Variants in HNRNPM observed in about 807,000 individuals in gnomAD.
The protein encoded by HNRNPM is CEA receptor.
HNRNPM carries 11 observed loss-of-function variants against 73.1 expected under a neutral mutation model. The observed-to-expected ratio is 0.15, with a 90% CI of 0.09 to 0.25. The LOEUF (loss-of-function observed/expected upper bound fraction) is 0.25, where lower values mean the gene tolerates loss of function less well. HNRNPM is among the 10% of genes least tolerant of loss of function. The pLI is 1.00. For missense variants in HNRNPM, 789 were observed against 1,067.9 expected, an observed-to-expected ratio of 0.74 and a Z score of 3.64; for synonymous variants, 407 against 355.2, an observed-to-expected ratio of 1.15 and a Z score of -1.64.
At chr19:8,463,933 G>T in intron 5 of HNRNPM, 2 of 457,960 alleles carry the variant, frequency 4.4e-6, no homozygotes, top group Non-Finnish European at 7.9e-6. Flanking sequence ...CTGAGGCCTT[G>T]TTGTCTCAGG....
intron 12 of HNRNPM, chr19:8,482,937 CAGA>C: frequency 1.9e-6 from 1 of 530,592 alleles, no homozygotes; most frequent in Non-Finnish European, 3.3e-6. Flanking sequence ...CGCTGGGCCT[CAGA>C]CTCTGGAGCT....
intron 9 of HNRNPM, 58 bp from the exon 10 acceptor site, chr19:8,471,268 T>C (rs778880413): frequency 1.8e-6 from 2 of 1,092,120 alleles, no homozygotes; most frequent in Non-Finnish European, 2.6e-6. Context: ...TCTTTTCCTT[T>C]GAGGGTCAAG....
chr19:8,486,140 T>C lies in HNRNPM; in HGVS notation c.1712T>C (p.Met571Thr). The C allele has an allele frequency of 6.2e-7, 1 of 1,604,238 alleles. No homozygotes were observed. Among genetic ancestry groups the C allele is most frequent in the South Asian group, 1.1e-5 (1 of 90,966 alleles). Residue 571 changes from methionine (M) to threonine (T), a missense_variant, in exon 14 of 16, where the codon ATG (methionine) becomes ACG (threonine). By Grantham distance (81) the Met-to-Thr change is moderately conservative. Coordinates refer to ENST00000325495, the MANE Select transcript of HNRNPM (RefSeq NM_005968.5). ...NNLERMGLER[M>T]GANSLERMGL... is the part of the protein sequence containing the mutation. ...CTGGAGCGGATGGGCCTGGAGCGCA[T>C]GGGCGCCAACAGCCTCGAGCGCATG...
chr19:8,471,257 C>A (rs1753251221), intron 9 of HNRNPM, 69 bp from the exon 10 acceptor site: 3 of 976,972 alleles, frequency 3.1e-6, no homozygotes, highest in Non-Finnish European at 4.6e-6. Context: ...TCACTAAACA[C>A]TCTTTTCCTT....
intron 1 of HNRNPM, 50 bp from the exon 2 acceptor site, chr19:8,455,355 T>A (rs1434453918): frequency 7.0e-7 from 1 of 1,433,476 alleles, no homozygotes; most frequent in African/African-American, 1.4e-5. Flanking sequence ...TCTTTCACAT[T>A]GTGCTGACAT....
chr19:8,459,700 C>G lies in HNRNPM; in HGVS notation c.284-2829C>G, dbSNP rs1458941384. 2.6e-5 allele frequency among the ~76,000 whole-genome samples: 4 copies of G among 152,150 alleles called. No homozygotes were observed. The East Asian group carries it at 7.7e-4, about 29-fold the overall frequency. The stretch of plus-strand genomic sequence containing the variant: ...AAATGGGAACACAAAAACAAATACT[C>G]ATTTGGCTAAAGGTCTGTGCAGGAG... On this transcript the variant is annotated intron_variant, in intron 2 of 15. Coordinates refer to ENST00000325495, the MANE Select transcript of HNRNPM (RefSeq NM_005968.5).
At chr19:8,445,375 G>C in intron 1 of HNRNPM, 1 of 349,626 alleles carries the variant, frequency 2.9e-6, no homozygotes, top group Non-Finnish European at 5.1e-6. Context: ...CGAGGCCTCA[G>C]GCCCAGCTGC....
At chr19:8,449,447 G>C (rs1352132047) in intron 1 of HNRNPM, among the ~76,000 whole-genome samples, 1 of 152,114 alleles carries the variant, frequency 6.6e-6, no homozygotes, top group Non-Finnish European at 1.5e-5. Context: ...ACAGTAGAAG[G>C]CTAGGAGTGA....
In HNRNPM at chr19:8,488,769, A is replaced by C; in HGVS notation, c.2108A>C (p.Glu703Ala). Residue 703 changes from glutamate (E) to alanine (A), a missense_variant, in exon 16 of 16, where the codon GAG becomes GCG. Glu to Ala is a moderately radical substitution (Grantham distance 107, BLOSUM62 -1). Transcript: ENST00000325495. ...GCGVVKFESP[E>A]VAERACRMMN... ...GGCGTGGTTAAGTTCGAGTCGCCAGAGGTGGCCGAGAGAGCCTGCCGGATG... is the reference window on the plus strand; with the variant it reads ...GGCGTGGTTAAGTTCGAGTCGCCAGCGGTGGCCGAGAGAGCCTGCCGGATG... 1.2e-6 allele frequency: 2 copies of C among 1,614,166 alleles called. No individual in the cohort carries two copies. Among genetic ancestry groups the C allele is most frequent in the Non-Finnish European group, 1.7e-6 (2 of 1,180,040 alleles).
At chr19:8,475,300 A>T (rs980583714) in intron 12 of HNRNPM, among the ~76,000 whole-genome samples, 9 of 152,206 alleles carry the variant, frequency 5.9e-5, no homozygotes, top group African/African-American at 2.2e-4. Context: ...AGGGCTGTAG[A>T]GTGTGCATGA....
chr19:8,473,152 A>G (rs996754165), intron 10 of HNRNPM, among the ~76,000 whole-genome samples: 4 of 152,158 alleles, frequency 2.6e-5, no homozygotes, highest in South Asian at 2.1e-4. Context: ...CTGAGGCAAG[A>G]GGATCACTTG....
At chr19:8,465,689 C>A (rs1184576610) in intron 6 of HNRNPM, among the ~76,000 whole-genome samples, 174 bp downstream of exon 6, 1 of 152,136 alleles carries the variant, frequency 6.6e-6, no homozygotes, top group Non-Finnish European at 1.5e-5. Flanking sequence ...ATTCCTAAGT[C>A]ACAGGCTTGA....
chr19:8,468,752 G>C, intron 8 of HNRNPM, 22 bp from the exon 9 acceptor site: 1 of 1,605,164 alleles, frequency 6.2e-7, no homozygotes, highest in Non-Finnish European at 8.5e-7. Flanking sequence ...ACTGAGATTT[G>C]TTTGTTTTCT....
At position 8,444,978 on chromosome 19, in the gene HNRNPM, C is replaced by G; in HGVS notation, c.-21C>G. ...GCGCGGTGCAGCCCGTTCGCTCACA[C>G]AAAGCCCAGACGCGGAGAAAATGGC... On this transcript the variant is annotated 5_prime_UTR_variant, in exon 1 of 16. Transcript: ENST00000325495. The G allele has an allele frequency of 7.2e-7, 1 of 1,384,142 alleles. No individual in the cohort carries two copies. Among genetic ancestry groups the G allele is most frequent in the Non-Finnish European group, 9.4e-7 (1 of 1,067,342 alleles). The allele number at this position is 1,384,142 out of a possible 1,614,324, so 85.7% of individuals were successfully genotyped here.
intron 14 of HNRNPM, among the ~76,000 whole-genome samples, chr19:8,486,636 G>A (rs1457145986): frequency 1.2e-5 from 1 of 83,660 alleles, no homozygotes; most frequent in Non-Finnish European, 3.0e-5. Context: ...GCTGAGCTCA[G>A]AGACTCCAGT....
chr19:8,483,711 A>G (rs1052173785), intron 13 of HNRNPM, among the ~76,000 whole-genome samples: 1 of 152,236 alleles, frequency 6.6e-6, no homozygotes, highest in Non-Finnish European at 1.5e-5. Flanking sequence ...TGCCGGAAAC[A>G]TTTTGTTCTG....
At chr19:8,445,662 A>C (rs944433334) in intron 1 of HNRNPM, 3 of 152,306 alleles carry the variant, frequency 2.0e-5, no homozygotes, top group African/African-American at 4.8e-5. Flanking sequence ...CCCGCCCCTT[A>C]GTCCCCGCGC....
intron 2 of HNRNPM, among the ~76,000 whole-genome samples, chr19:8,459,409 G>A (rs1198891763): frequency 6.6e-6 from 1 of 152,098 alleles, no homozygotes; most frequent in African/African-American, 2.4e-5. Flanking sequence ...AAGCCAAGTA[G>A]GTGTGTAGAA....
intron 1 of HNRNPM, among the ~76,000 whole-genome samples, chr19:8,449,337 C>G (rs1337148105): frequency 6.6e-6 from 1 of 152,074 alleles, no homozygotes; most frequent in African/African-American, 2.4e-5. Context: ...ATTTTGCAGT[C>G]ATAGGGTTGA....
Sources: gnomAD v4.1 joint callset for allele counts (sites outside exome capture counted in the v4.1 genomes callset) on GRCh38, gnomAD v4.1.1 for gene constraint, MANE v1.5 for transcripts, NCBI Gene and HGNC (gene_info 2026-07-23, HGNC 2026-07-21) for gene names.